Variants in MDGA2 observed in about 807,000 individuals in gnomAD.
MDGA2 encodes the protein MAM domain-containing glycosylphosphatidylinositol anchor protein 2.
MDGA2 carries 40 observed loss-of-function variants against 117.8 expected under a neutral mutation model. That is an observed-to-expected ratio of 0.34 (90% confidence interval 0.26 to 0.44). The LOEUF (loss-of-function observed/expected upper bound fraction) is 0.44. Among genes scored for constraint, MDGA2 ranks in the 20% least tolerant of loss-of-function variants. The probability of loss-of-function intolerance (pLI) is 1.00; values close to 1 mark genes in which losing one functional copy is unlikely to be tolerated. For synonymous variants in MDGA2, 452 were observed against 439.0 expected (o/e 1.03, Z -0.37); for missense variants, 1,123 against 1,250.6 (o/e 0.90, Z 1.54).
chr14:47,472,552 G>C (rs943756249), intron 1 of MDGA2, among the ~76,000 whole-genome samples: 1 of 152,150 alleles, frequency 6.6e-6, no homozygotes, highest in East Asian at 1.9e-4. Context: ...CTGCTTCCAC[G>C]ACAAGGTAAT....
At position 47,467,858 on chromosome 14, in the gene MDGA2, C is replaced by T. The variant is rs181159758; in HGVS notation, c.281-166308G>A. 8.5e-5 allele frequency among the ~76,000 whole-genome samples: 13 copies of T among 152,186 alleles called. No individual in the cohort carries two copies. The East Asian group carries it at 1.7e-3, about 20-fold the overall frequency. On this transcript the variant is annotated intron_variant, in intron 1 of 16. Transcript: ENST00000399232. ...CTGGTCTTATACAAAATGACCCATA[C>T]ATTTTAACTCTGTACTTAAAACAAC...
chr14:47,606,274 C>T (rs184383848), intron 1 of MDGA2, among the ~76,000 whole-genome samples: 273 of 152,208 alleles, frequency 1.8e-3, no homozygotes, highest in African/African-American at 5.8e-3. Context: ...GATCTACCAG[C>T]CAGGCTAAAG....
intron 3 of MDGA2, among the ~76,000 whole-genome samples, chr14:47,168,985 A>G (rs1182117014): frequency 6.6e-6 from 1 of 152,080 alleles, no homozygotes; most frequent in African/African-American, 2.4e-5. Context: ...TTGTCTCATT[A>G]TTGATAAAAT....
intron 1 of MDGA2, among the ~76,000 whole-genome samples, chr14:47,324,115 G>A (rs907819599): frequency 2.0e-4 from 31 of 152,044 alleles, no homozygotes; most frequent in African/African-American, 7.0e-4. Flanking sequence ...CGTGGTGGCA[G>A]GCACCTGTAG....
At chr14:47,026,077 AAT>A (rs1367494939) in intron 8 of MDGA2, among the ~76,000 whole-genome samples, 1 of 152,210 alleles carries the variant, frequency 6.6e-6, no homozygotes, top group African/African-American at 2.4e-5. Flanking sequence ...AACCCAACGT[AAT>A]ATGATATATG....
At chr14:47,513,538 T>C (rs1894688379) in intron 1 of MDGA2, among the ~76,000 whole-genome samples, 1 of 152,068 alleles carries the variant, frequency 6.6e-6, no homozygotes, top group Non-Finnish European at 1.5e-5. Flanking sequence ...GTGATTTTTT[T>C]CTACCCACAT....
At position 47,548,753 on chromosome 14, in the gene MDGA2, TGTGGCCA is replaced by T. The variant is rs138996017; in HGVS notation, c.280+125757_280+125763del. On this transcript the variant is annotated intron_variant, in intron 1 of 16. Coordinates refer to ENST00000399232, the MANE Select transcript of MDGA2 (RefSeq NM_001113498.3). ...TTCTGGGCATGCACACAACCCTGAA[TGTGGCCA>T]GCGTGCACATGCCTGCGGCCTTCTA... 8.8e-3 allele frequency among the ~76,000 whole-genome samples: 1,335 copies of T among 152,236 alleles called. 15 individuals carry two copies. Among genetic ancestry groups the T allele is most frequent in the Middle Eastern group, 0.024 (7 of 294 alleles).
At chr14:47,449,699 G>A (rs1163645309) in intron 1 of MDGA2, among the ~76,000 whole-genome samples, 1 of 152,036 alleles carries the variant, frequency 6.6e-6, no homozygotes, top group African/African-American at 2.4e-5. Flanking sequence ...ATGGTTTCAG[G>A]TTTTCTAAAT....
chr14:47,526,137 TTTCTCTATTTCTTGAAAA>T (rs1362089113), intron 1 of MDGA2, among the ~76,000 whole-genome samples: 1 of 152,178 alleles, frequency 6.6e-6, no homozygotes, highest in East Asian at 1.9e-4. Flanking sequence ...TCTCCATCTT[TTTCTCTATTTCTTGAAAA>T]TATTAATCAT....
At chr14:47,283,971 T>C (rs544147813) in intron 2 of MDGA2, among the ~76,000 whole-genome samples, 222 of 152,188 alleles carry the variant, frequency 1.5e-3, no homozygotes, top group African/African-American at 4.9e-3. Context: ...TGTGAAGACA[T>C]AGAGCAGTAG....
chr14:47,076,184 G>T (rs1171858814), intron 6 of MDGA2, among the ~76,000 whole-genome samples: 1 of 151,864 alleles, frequency 6.6e-6, no homozygotes, highest in Non-Finnish European at 1.5e-5. Flanking sequence ...AAATCTCATA[G>T]AAACTTGTAC....
rs114278225 is a variant in MDGA2 at position 47,573,467 on chromosome 14, T to C, written c.280+101050A>G. Among the ~76,000 whole-genome samples the C allele has an allele frequency of 4.1e-3, 621 of 152,236 alleles. 5 individuals are homozygous for C. Among genetic ancestry groups the C allele is most frequent in the African/African-American group, 0.014 (593 of 41,546 alleles). On this transcript the variant is annotated intron_variant, in intron 1 of 16. Transcript: ENST00000399232. ...ACTTGCCATATCACTAGACAGCACG[T>C]TTTTTCACAAACCCAGTGTTCATCT...
At chr14:47,470,032 C>T (rs947545541) in intron 1 of MDGA2, among the ~76,000 whole-genome samples, 5 of 152,114 alleles carry the variant, frequency 3.3e-5, no homozygotes, top group Non-Finnish European at 7.4e-5. Flanking sequence ...GTAAGGTCAG[C>T]TCCATCACAG....
At chr14:47,000,377 T>TATATATATATATTTATATATATATG (rs1566567792) in intron 8 of MDGA2, among the ~76,000 whole-genome samples, 2 of 100,026 alleles carry the variant, frequency 2.0e-5, no homozygotes, top group Non-Finnish European at 4.3e-5. Context: ...ATATATATAT[T>TATATATATATATTTATATATATATG]TATATATATA....
chr14:46,998,410 A>G (rs913399339), intron 8 of MDGA2, among the ~76,000 whole-genome samples: 8 of 152,306 alleles, frequency 5.3e-5, no homozygotes, highest in African/African-American at 1.4e-4. Context: ...CATACGTATT[A>G]GAGGAAAGTT....
chr14:46,909,415 A>G (rs1032524455), intron 10 of MDGA2, among the ~76,000 whole-genome samples: 2 of 152,140 alleles, frequency 1.3e-5, no homozygotes, highest in Non-Finnish European at 2.9e-5. Context: ...GATCAAGTCA[A>G]GGGGCTGCTT....
chr14:47,156,577 T>C (rs1365281094), intron 3 of MDGA2, among the ~76,000 whole-genome samples: 3 of 152,194 alleles, frequency 2.0e-5, no homozygotes, highest in African/African-American at 7.2e-5. Flanking sequence ...GTTAAAAAAA[T>C]CAATTAATCT....
At chr14:47,480,968 G>A (rs12436220) in intron 1 of MDGA2, among the ~76,000 whole-genome samples, 69,324 of 151,632 alleles carry the variant, frequency 0.46, 16,045 homozygotes, top group East Asian at 0.61. Flanking sequence ...CATCTTGTAC[G>A]AGAGTAGAAA....
intron 1 of MDGA2, among the ~76,000 whole-genome samples, chr14:47,379,263 C>A (rs1891551796): frequency 6.6e-6 from 1 of 152,134 alleles, no homozygotes; most frequent in African/African-American, 2.4e-5. Flanking sequence ...CAAAAACATG[C>A]CAAATTGTAA....
Sources: gnomAD v4.1 joint callset for allele counts (sites outside exome capture counted in the v4.1 genomes callset) on GRCh38, gnomAD v4.1.1 for gene constraint, MANE v1.5 for transcripts, NCBI Gene and HGNC (gene_info 2026-07-23, HGNC 2026-07-21) for gene names.